The following SIPA1L3 variants were observed in gnomAD, a reference collection of about 807,000 sequenced individuals.
SIPA1L3 encodes signal induced proliferation associated 1 like 3, also known as signal-induced proliferation-associated 1-like protein 3.
Under a neutral mutation model 150.1 loss-of-function variants are expected in SIPA1L3, and 59 were observed. The ratio of observed to expected loss-of-function variants is 0.39; its 90% CI spans 0.32 to 0.49. The LOEUF (loss-of-function observed/expected upper bound fraction) is 0.49. Among genes scored for constraint, SIPA1L3 ranks in the 20% least tolerant of loss-of-function variants. SIPA1L3 has a pLI of 0.86. For missense variants in SIPA1L3, 2,211 were observed against 2,489.5 expected, an observed-to-expected ratio of 0.89 and a Z score of 2.38; for synonymous variants, 1,070 against 1,077.6, an observed-to-expected ratio of 0.99 and a Z score of 0.14.
At chr19:37,965,317 G>GTTTTTTTTTTTTT (rs566071263) in intron 1 of SIPA1L3, among the ~76,000 whole-genome samples, 21 of 133,688 alleles carry the variant, frequency 1.6e-4, no homozygotes, top group African/African-American at 5.8e-4. Context: ...TATATTTCTA[G>GTTTTTTTTTTTTT]TTTTTTTTTT....
At chr19:38,041,712 G>A (rs1193048245) in intron 2 of SIPA1L3, among the ~76,000 whole-genome samples, 1 of 152,104 alleles carries the variant, frequency 6.6e-6, no homozygotes, top group Non-Finnish European at 1.5e-5. Context: ...AAGTAGCTGA[G>A]ACTACAGCCA....
Position 38,082,519 on chromosome 19 carries a change from G to A in SIPA1L3, c.954G>A (p.Pro318=), listed in dbSNP as rs756310836. Residue 318 remains proline, a synonymous_variant, in exon 3 of 22, where the codon CCG becomes CCA. Coordinates refer to ENST00000222345, the MANE Select transcript of SIPA1L3 (RefSeq NM_015073.3). ...CCGAGGGGGAGGCTGGGCGTTCCCC[G>A]GGGGAGGCCGACGAGGGCCGGAGCC... is the stretch of plus-strand genomic sequence containing the variant. ...SKPEGEAGRS[P]GEADEGRSPP... The A allele has an allele frequency of 3.1e-6, 5 of 1,597,524 alleles. No individual in the cohort carries two copies. In the African/African-American group the frequency reaches 4.0e-5, roughly 13 times the overall value.
chr19:37,944,161 C>G (rs1364740259), intron 1 of SIPA1L3, among the ~76,000 whole-genome samples: 2 of 152,064 alleles, frequency 1.3e-5, no homozygotes, highest in Admixed American at 6.5e-5. Context: ...GCCTGTAATC[C>G]CAGCTACTTG....
At chr19:37,952,758 A>G (rs2046776049) in intron 1 of SIPA1L3, among the ~76,000 whole-genome samples, 1 of 152,226 alleles carries the variant, frequency 6.6e-6, no homozygotes, top group African/African-American at 2.4e-5. Context: ...ACTTTGCTAG[A>G]CTTTCCTGAG....
intron 8 of SIPA1L3, among the ~76,000 whole-genome samples, chr19:38,111,621 AG>A (rs1377762112): frequency 1.3e-5 from 2 of 152,166 alleles, no homozygotes; most frequent in African/African-American, 4.8e-5. Context: ...GGGTGAGGGA[AG>A]GGAGGGGCAT....
intron 9 of SIPA1L3, among the ~76,000 whole-genome samples, chr19:38,123,822 C>G (rs1343263272): frequency 8.2e-6 from 1 of 121,938 alleles, no homozygotes; most frequent in Non-Finnish European, 1.7e-5. Flanking sequence ...AGGGGCTCCT[C>G]ACTTCCCAGT....
At chr19:38,165,036 C>G in intron 15 of SIPA1L3, 130 bp downstream of exon 15, 1 of 912,092 alleles carries the variant, frequency 1.1e-6, no homozygotes, top group Non-Finnish European at 1.6e-6. Flanking sequence ...CATTGGTTTG[C>G]TGACAGAATT....
intron 2 of SIPA1L3, among the ~76,000 whole-genome samples, chr19:38,044,399 G>C (rs922267804): frequency 6.6e-6 from 1 of 152,202 alleles, no homozygotes; most frequent in African/African-American, 2.4e-5. Context: ...GAAGAGCGAA[G>C]CTGTGCGGAG....
intron 1 of SIPA1L3, among the ~76,000 whole-genome samples, chr19:38,015,792 G>A (rs1966244134): frequency 6.7e-6 from 1 of 149,188 alleles, no homozygotes; most frequent in Non-Finnish European, 1.5e-5. Context: ...TGCATTTCAT[G>A]TTTCATTGCC....
chr19:37,944,575 A>G (rs1332153451), intron 1 of SIPA1L3, among the ~76,000 whole-genome samples: 7 of 152,198 alleles, frequency 4.6e-5, no homozygotes, highest in African/African-American at 1.7e-4. Flanking sequence ...ATGTATTAAT[A>G]TGTAAAAGAA....
intron 6 of SIPA1L3, among the ~76,000 whole-genome samples, chr19:38,101,754 G>A (rs932392229): frequency 7.2e-5 from 11 of 152,174 alleles, no homozygotes; most frequent in Non-Finnish European, 1.5e-4. Flanking sequence ...TTCAAGTCCA[G>A]TTTGAAGAGA....
intron 15 of SIPA1L3, among the ~76,000 whole-genome samples, chr19:38,168,337 A>G (rs1972253146): frequency 6.6e-6 from 1 of 152,118 alleles, no homozygotes; most frequent in African/African-American, 2.4e-5. Context: ...CAGTGAGCCA[A>G]GACTGCACCA....
At position 37,927,657 on chromosome 19, in the gene SIPA1L3, GTGTGTGT is replaced by G. The variant is rs1568466825; in HGVS notation, c.-379+20300_-379+20306del. ...CCCACTTAGAATAAGAACATGGGGTGTGTGTGTGTGTGTGTGTGTGTGTGTGTGTGTG... is the reference window on the plus strand; with the variant it reads ...CCCACTTAGAATAAGAACATGGGGTGGTGTGTGTGTGTGTGTGTGTGTGTG... On this transcript the variant is annotated intron_variant, in intron 1 of 21. Coordinates refer to ENST00000222345, the MANE Select transcript of SIPA1L3 (RefSeq NM_015073.3). 2.3e-3 allele frequency among the ~76,000 whole-genome samples: 22 copies of G among 9,534 alleles called. 1 individual carries two copies. The South Asian group carries it at 0.031, about 14-fold the overall frequency. 6.3% of individuals were successfully genotyped at this position (9,534 alleles called of 152,430 possible).
intron 1 of SIPA1L3, among the ~76,000 whole-genome samples, chr19:37,954,023 A>G (rs972813805): frequency 6.6e-6 from 1 of 152,232 alleles, no homozygotes; most frequent in East Asian, 1.9e-4. Context: ...TTGTGGGAGA[A>G]GAAAATAGTA....
intron 1 of SIPA1L3, among the ~76,000 whole-genome samples, chr19:37,962,092 C>T (rs1472671269): frequency 6.6e-6 from 1 of 151,372 alleles, no homozygotes; most frequent in African/African-American, 2.4e-5. Flanking sequence ...TGATTCATTT[C>T]CTGAGTATGG....
At chr19:38,097,160 G>C (rs12983059) in intron 4 of SIPA1L3, among the ~76,000 whole-genome samples, 46,787 of 152,002 alleles carry the variant, frequency 0.31, 8,100 homozygotes, top group East Asian at 0.6. Context: ...ACCAGCCTGG[G>C]CAACATAGTG....
At chr19:37,941,835 A>C (rs537816777) in intron 1 of SIPA1L3, among the ~76,000 whole-genome samples, 1 of 152,254 alleles carries the variant, frequency 6.6e-6, no homozygotes, top group South Asian at 2.1e-4. Context: ...TTCCTAGACA[A>C]AAGAACAATA....
intron 2 of SIPA1L3, among the ~76,000 whole-genome samples, chr19:38,051,797 A>G (rs1351692334): frequency 6.6e-6 from 1 of 152,014 alleles, no homozygotes; most frequent in African/African-American, 2.4e-5. Flanking sequence ...GGGTCTTGCT[A>G]TGTTGCCCAG....
chr19:38,116,467 G>C (rs1970881699), intron 8 of SIPA1L3, among the ~76,000 whole-genome samples: 2 of 147,092 alleles, frequency 1.4e-5, no homozygotes, highest in African/African-American at 5.1e-5. Flanking sequence ...AGGTTGCAGT[G>C]AGCCGAGATC....
Sources: allele counts gnomAD v4.1 joint callset (sites outside exome capture counted in the v4.1 genomes callset), GRCh38; gene constraint gnomAD v4.1.1; transcripts MANE v1.5; gene names NCBI Gene and HGNC (gene_info 2026-07-23, HGNC 2026-07-21).